The following RET variants were observed in gnomAD, a reference collection of about 807,000 sequenced individuals.
RET encodes proto-oncogene tyrosine-protein kinase receptor Ret.
In RET, 19 loss-of-function variants were observed where a neutral mutation model predicts 118.3. The observed-to-expected ratio is 0.16, with a 90% CI of 0.11 to 0.24. The LOEUF (loss-of-function observed/expected upper bound fraction) is 0.24. Among genes scored for constraint, RET ranks in the 10% least tolerant of loss-of-function variants. RET has a pLI of 1.00. For missense variants in RET, 1,219 were observed against 1,502.1 expected (o/e 0.81, Z 3.12); for synonymous variants, 597 against 644.1 (o/e 0.93, Z 1.11).
chr10:43,127,219 C>A (rs1442246759), intron 19 of RET: 13 of 1,082,382 alleles, frequency 1.2e-5, no homozygotes, highest in Non-Finnish European at 1.3e-5. Context: ...CACTGGCGAG[C>A]AGCCACTGGC....
intron 1 of RET, among the ~76,000 whole-genome samples, chr10:43,091,780 C>T (rs1837416028): frequency 6.8e-6 from 1 of 147,248 alleles, no homozygotes; most frequent in Non-Finnish European, 1.5e-5. Context: ...AAATCAAAAT[C>T]ACCATGTGAT....
At chr10:43,083,966 C>T (rs1024476782) in intron 1 of RET, among the ~76,000 whole-genome samples, 12 of 152,218 alleles carry the variant, frequency 7.9e-5, no homozygotes, top group Non-Finnish European at 1.8e-4. Flanking sequence ...CCCCAGCCTG[C>T]GTTCTGTCTC....
chr10:43,109,129 G>A lies in RET; in HGVS notation c.1162G>A (p.Val388Ile), dbSNP rs776223166. The part of the protein sequence containing the change: ...DSDFQGPGAG[V>I]LLLHFNVSVL... Reference sequence around the variant, plus strand: ...AGACTTCCAGGGCCCAGGAGCGGGCGTCCTCTTGCTCCACTTCAACGTGTC... The same window carrying A: ...AGACTTCCAGGGCCCAGGAGCGGGCATCCTCTTGCTCCACTTCAACGTGTC... The change falls in exon 6 of 20, where the codon GTC becomes ATC. Residue 388 changes from valine (V) to isoleucine (I), a missense_variant. By Grantham distance (29) the Val-to-Ile change is conservative. Around this residue, in one of 5 missense-constraint regions of RET, gnomAD observed 850 missense variants for 969.6 expected, o/e 0.88. Coordinates refer to ENST00000355710, the MANE Select transcript of RET (RefSeq NM_020975.6). 19 of 1,613,780 alleles carry A rather than the reference G, an allele frequency of 1.2e-5. No individual in the cohort carries two copies. The highest frequency in any genetic ancestry group is 3.3e-5 in the South Asian group (3 of 91,086).
chr10:43,085,334 C>T (rs1025001060), intron 1 of RET, among the ~76,000 whole-genome samples: 1 of 152,204 alleles, frequency 6.6e-6, no homozygotes, highest in Non-Finnish European at 1.5e-5. Context: ...CGTTTCTGCT[C>T]CTTCCTGCTG....
intron 14 of RET, 83 bp downstream of exon 14, chr10:43,119,828 C>T: frequency 2.1e-6 from 3 of 1,436,072 alleles, no homozygotes; most frequent in Non-Finnish European, 9.6e-7. Context: ...CACACCCTGG[C>T]CTGCCACTCC....
chr10:43,122,066 A>G (rs1588878733), intron 16 of RET, 50 bp downstream of exon 16: 1 of 1,457,840 alleles, frequency 6.9e-7, no homozygotes, highest in East Asian at 2.3e-5. Context: ...AAACACCCTT[A>G]TACATGTAGT....
At chr10:43,084,037 C>T (rs1242169745) in intron 1 of RET, among the ~76,000 whole-genome samples, 1 of 152,244 alleles carries the variant, frequency 6.6e-6, no homozygotes, top group African/African-American at 2.4e-5. Context: ...CTTCACTCAG[C>T]ATAAGGTCTT....
chr10:43,116,823 A>G, intron 12 of RET, 92 bp downstream of exon 12: 1 of 1,497,384 alleles, frequency 6.7e-7, no homozygotes, highest in Non-Finnish European at 9.1e-7. Context: ...GACCCTGAAG[A>G]GCCCCCAATG....
At chr10:43,101,495 G>A (rs370168725) in intron 2 of RET, among the ~76,000 whole-genome samples, 3 of 152,252 alleles carry the variant, frequency 2.0e-5, no homozygotes, top group African/African-American at 4.8e-5. Flanking sequence ...TCCCTCCGGC[G>A]CAGCCCAGGC....
intron 7 of RET, among the ~76,000 whole-genome samples, 173 bp from the exon 8 acceptor site, chr10:43,111,926 T>C (rs1837943207): frequency 2.0e-5 from 3 of 152,228 alleles, no homozygotes; most frequent in East Asian, 3.9e-4. Context: ...TCCTGTACCC[T>C]GCCCTGCGCC....
chr10:43,115,852 G>T (rs1428882499), intron 11 of RET, among the ~76,000 whole-genome samples: 1 of 152,230 alleles, frequency 6.6e-6, no homozygotes, highest in Non-Finnish European at 1.5e-5. Flanking sequence ...GGAAGCCATG[G>T]CAGTGTCGAC....
chr10:43,086,306 C>T (rs1010632467), intron 1 of RET, among the ~76,000 whole-genome samples: 2 of 152,182 alleles, frequency 1.3e-5, no homozygotes, highest in Non-Finnish European at 2.9e-5. Context: ...AGGAGCACAC[C>T]GTGGATTCCT....
At chr10:43,122,613 T>C (rs181395986) in intron 16 of RET, among the ~76,000 whole-genome samples, 2 of 152,278 alleles carry the variant, frequency 1.3e-5, no homozygotes, top group East Asian at 3.9e-4. Flanking sequence ...CCTCTCTTTT[T>C]TTGTGGGGGG....
Position 43,113,624 on chromosome 10 carries a change from A to C in RET, c.1828A>C (p.Asn610His), listed in dbSNP as rs1837994023. 6.2e-7 allele frequency: 1 copy of C among 1,613,380 alleles called. No individual in the cohort carries two copies. Among genetic ancestry groups the C allele is most frequent in the Non-Finnish European group, 8.5e-7 (1 of 1,179,854 alleles). The stretch of plus-strand genomic sequence containing the variant: ...GATTAAAGCTGGCTATGGCACCTGC[A>C]ACTGCTTCCCTGAGGAGGAGAAGTG... ...RGIKAGYGTCNCFPEEEKCFC... is the reference protein window; with the variant it reads ...RGIKAGYGTCHCFPEEEKCFC... Residue 610 changes from asparagine (N) to histidine (H), a missense_variant, in exon 10 of 20, where the codon AAC becomes CAC. Around this residue, in one of 5 missense-constraint regions of RET, gnomAD observed 850 missense variants for 969.6 expected, o/e 0.88. Coordinates refer to ENST00000355710, the MANE Select transcript of RET (RefSeq NM_020975.6).
At position 43,106,485 on chromosome 10, in the gene RET, A is replaced by C; in HGVS notation, c.977A>C (p.Gln326Pro). Residue 326 changes from glutamine (Q) to proline (P), a missense_variant, in exon 5 of 20, where the codon CAG becomes CCG. Around this residue, in one of 5 missense-constraint regions of RET, gnomAD observed 850 missense variants for 969.6 expected, o/e 0.88. Transcript: ENST00000355710. The surrounding 1 kb of genome is among the most constrained non-coding windows in gnomAD (Gnocchi z 5.1). Reference protein sequence around the residue: ...STLLPGDTWAQQTFRVEHWPN... With the variant: ...STLLPGDTWAPQTFRVEHWPN... ...CTGCTCCCCGGGGACACCTGGGCCCAGCAGACCTTCCGGGTGGAACACTGG... is the reference window on the plus strand; with the variant it reads ...CTGCTCCCCGGGGACACCTGGGCCCCGCAGACCTTCCGGGTGGAACACTGG... 1 of 1,613,732 alleles carries C rather than the reference A, an allele frequency of 6.2e-7. No homozygotes were observed. Among genetic ancestry groups the C allele is most frequent in the Non-Finnish European group, 8.5e-7 (1 of 1,179,840 alleles).
intron 15 of RET, among the ~76,000 whole-genome samples, chr10:43,120,494 T>C (rs1482599595): frequency 6.6e-6 from 1 of 152,240 alleles, no homozygotes; most frequent in African/African-American, 2.4e-5. Flanking sequence ...GCTGCGGAAC[T>C]AACAGTCCTC....
Position 43,126,706 on chromosome 10 carries a change from T to C in RET, c.3171T>C (p.Ile1057=). The change falls in exon 19 of 20, where the codon ATT becomes ATC. Residue 1057 remains isoleucine, a synonymous_variant. Transcript: ENST00000355710. ...CTCGAGCCCTCCCTTCCACATGGAT[T>C]GAAAACAAACTCTATGGTAGAATTT... ...PLPRALPSTW[I]ENKLYGMSDP... 1 of 1,614,032 alleles carries C rather than the reference T, an allele frequency of 6.2e-7. No individual in the cohort carries two copies. Among genetic ancestry groups the C allele is most frequent in the Non-Finnish European group, 8.5e-7 (1 of 1,180,000 alleles).
At chr10:43,107,559 T>TCACACACACA (rs59876947) in intron 5 of RET, among the ~76,000 whole-genome samples, 171 of 140,814 alleles carry the variant, frequency 1.2e-3, no homozygotes, top group Non-Finnish European at 1.4e-3. Flanking sequence ...CCCCCATGCC[T>TCACACACACA]CACACACACA....
chr10:43,108,365 T>C (rs1837832795), intron 5 of RET, among the ~76,000 whole-genome samples: 1 of 152,200 alleles, frequency 6.6e-6, no homozygotes, highest in Admixed American at 6.5e-5. Flanking sequence ...GGGTGTTTCT[T>C]AACCCTTGCC....
Sources: allele counts gnomAD v4.1 joint callset (sites outside exome capture counted in the v4.1 genomes callset), GRCh38; gene constraint gnomAD v4.1.1; regional missense constraint gnomAD v4.1.1; non-coding constraint Gnocchi (gnomAD v3.1); transcripts MANE v1.5; gene names NCBI Gene and HGNC (gene_info 2026-07-23, HGNC 2026-07-21).